LRRC15: variants seen among roughly 807,000 people sequenced by gnomAD.
The protein encoded by LRRC15 is leucine-rich repeat-containing protein 15.
In LRRC15, 5 loss-of-function variants were observed where a neutral mutation model predicts 4.3. The observed-to-expected ratio is 1.16, with a 90% CI of 0.61 to 2.44. The LOEUF (loss-of-function observed/expected upper bound fraction) is 2.44. Among genes scored for constraint, LRRC15 ranks in the 30% most tolerant of loss-of-function variants. The probability of loss-of-function intolerance (pLI) is 0.01; values close to 1 mark genes in which losing one functional copy is unlikely to be tolerated. For missense variants in LRRC15, 769 were observed against 747.0 expected, an observed-to-expected ratio of 1.03 and a Z score of -0.34; for synonymous variants, 337 against 323.2, an observed-to-expected ratio of 1.04 and a Z score of -0.46.
intron 1 of LRRC15, among the ~76,000 whole-genome samples, chr3:194,364,793 A>G (rs961508993): frequency 6.6e-6 from 1 of 152,248 alleles, no homozygotes; most frequent in South Asian, 2.1e-4. Context: ...CCATCCCAGC[A>G]CCACATGCAG....
intron 1 of LRRC15, among the ~76,000 whole-genome samples, chr3:194,367,313 A>G (rs1713810118): frequency 6.6e-6 from 1 of 151,714 alleles, no homozygotes; most frequent in African/African-American, 2.4e-5. Flanking sequence ...ATTTTTATTT[A>G]TCTATTTTTT....
At chr3:194,365,114 G>A (rs985223914) in intron 1 of LRRC15, among the ~76,000 whole-genome samples, 15 of 152,216 alleles carry the variant, frequency 9.9e-5, no homozygotes, top group Admixed American at 5.9e-4. Flanking sequence ...CCAGGCAGCC[G>A]AGAGCGTCGT....
Position 194,360,034 on chromosome 3 carries a change from A to G in LRRC15, c.1010T>C (p.Phe337Ser), listed in dbSNP as rs1310443119. ...CTCCCGAAGCTCCGTTAGCCCGTTG[A>G]AGGCACCCGGGGAGATGAAGCTGAT... Reference protein sequence around the residue: ...NQISFISPGAFNGLTELRELS... With the variant: ...NQISFISPGASNGLTELRELS... The change falls in exon 2 of 2, where the codon TTC becomes TCC. Residue 337 changes from phenylalanine (F) to serine (S), a missense_variant. Phe to Ser is a radical substitution (Grantham distance 155, BLOSUM62 -2). Transcript: ENST00000347624. 1 of 1,614,210 alleles carries G rather than the reference A, an allele frequency of 6.2e-7. No individual in the cohort carries two copies. The highest frequency in any genetic ancestry group is 1.7e-5 in the Admixed American group (1 of 60,032).
At chr3:194,367,734 C>T (rs937217375) in intron 1 of LRRC15, among the ~76,000 whole-genome samples, 18 of 152,334 alleles carry the variant, frequency 1.2e-4, no homozygotes, top group African/African-American at 3.6e-4. Flanking sequence ...AGAAACCTTC[C>T]TTGAACTCCA....
At chr3:194,367,375 T>C (rs1713811548) in intron 1 of LRRC15, among the ~76,000 whole-genome samples, 1 of 152,196 alleles carries the variant, frequency 6.6e-6, no homozygotes, top group Non-Finnish European at 1.5e-5. Flanking sequence ...TGGTGTGATC[T>C]CTGCTACTGC....
rs759955397 is a variant in LRRC15, at chr3:194,360,735, C to T, written c.309G>A (p.Leu103=). The T allele has an allele frequency of 6.2e-7, 1 of 1,614,098 alleles. No individual in the cohort carries two copies. The highest frequency in any genetic ancestry group is 2.2e-5 in the East Asian group (1 of 44,898). ...TPGAFRNLGS[L]RYLSLANNKL... ...TGTTGTTGGCGAGGCTGAGATAGCG[C>T]AGCGAGCCCAGGTTTCGGAAGGCCC... Residue 103 remains leucine (L), a synonymous_variant, in exon 2 of 2, where the codon CTG becomes CTA. Coordinates refer to ENST00000347624, the MANE Select transcript of LRRC15 (RefSeq NM_130830.5).
At chr3:194,368,189 G>A (rs765109978) in intron 1 of LRRC15, among the ~76,000 whole-genome samples, 4 of 152,192 alleles carry the variant, frequency 2.6e-5, no homozygotes, top group African/African-American at 4.8e-5. Flanking sequence ...TGACTCCTTC[G>A]TGGTCAGGAT....
chr3:194,365,820 TAATC>T (rs1295225079), intron 1 of LRRC15, among the ~76,000 whole-genome samples: 11 of 152,150 alleles, frequency 7.2e-5, no homozygotes, highest in Admixed American at 5.9e-4. Context: ...TCCCACTTAG[TAATC>T]AGCATGTCCG....
intron 1 of LRRC15, among the ~76,000 whole-genome samples, 191 bp downstream of exon 1, chr3:194,369,470 G>A (rs903230855): frequency 6.6e-6 from 1 of 152,212 alleles, no homozygotes; most frequent in Non-Finnish European, 1.5e-5. Context: ...CTGGTGTCCA[G>A]GCAGTGAGGG....
intron 1 of LRRC15, among the ~76,000 whole-genome samples, chr3:194,361,875 G>A (rs533285371): frequency 1.3e-5 from 2 of 152,316 alleles, no homozygotes; most frequent in African/African-American, 2.4e-5. Context: ...AGGCAATGAC[G>A]TGTCTGCACC....
chr3:194,362,934 A>ATTTTTTTTTTTTTTTTTTTTTT (rs1162019236), intron 1 of LRRC15, among the ~76,000 whole-genome samples: 1 of 114,746 alleles, frequency 8.7e-6, no homozygotes, highest in Non-Finnish European at 1.7e-5. Flanking sequence ...ACAGACCTTG[A>ATTTTTTTTTTTTTTTTTTTTTT]TTTTGTTTTT....
chr3:194,365,696 C>G (rs1186122559), intron 1 of LRRC15, among the ~76,000 whole-genome samples: 1 of 152,164 alleles, frequency 6.6e-6, no homozygotes, highest in Non-Finnish European at 1.5e-5. Flanking sequence ...CCCAGAGGAC[C>G]TGCTGGACCT....
At chr3:194,368,084 G>C (rs1713831782) in intron 1 of LRRC15, among the ~76,000 whole-genome samples, 1 of 152,186 alleles carries the variant, frequency 6.6e-6, no homozygotes, top group Non-Finnish European at 1.5e-5. Context: ...TCCCAAAGTA[G>C]AGAGAAATGG....
chr3:194,355,417 T>G lies in LRRC15; in HGVS notation c.*3881A>C, dbSNP rs1422890562. 6.6e-6 allele frequency: 1 copy of G among 152,260 alleles called. No homozygotes were observed. Among genetic ancestry groups the G allele is most frequent in the Non-Finnish European group, 1.5e-5 (1 of 68,054 alleles). The allele number at this position is 152,260 out of a possible 1,614,324, so 9.4% of individuals were successfully genotyped here. A position where few individuals can be genotyped will look rare whatever the true frequency, so the allele number is the denominator to read the frequency against. ...AAGCACTGGGGCTGATTTGCAGTAA[T>G]TCTCTAAGCAAGGCAAACATGATCT... On this transcript the variant is annotated 3_prime_UTR_variant, in exon 2 of 2. Transcript: ENST00000347624.
At chr3:194,362,888 C>G (rs146797455) in intron 1 of LRRC15, among the ~76,000 whole-genome samples, 86 of 151,306 alleles carry the variant, frequency 5.7e-4, no homozygotes, top group African/African-American at 2.0e-3. Context: ...AACAAGCTTA[C>G]TCTGAGATAA....
rs1713574955 is a variant in LRRC15, at chr3:194,360,249, G to T, written c.795C>A (p.Phe265Leu). ...GACGGTTGAGCTGGGGCAGCTGCATGAAGACGCTGGGTGGCAGCTGGGAGA... is the reference window on the plus strand; with the variant it reads ...GACGGTTGAGCTGGGGCAGCTGCATTAAGACGCTGGGTGGCAGCTGGGAGA... ...NHISQLPPSV[F>L]MQLPQLNRLT... is the part of the protein sequence containing the mutation. Residue 265 changes from phenylalanine (F) to leucine (L), a missense_variant, in exon 2 of 2, where the codon TTC becomes TTA. Physicochemically the swap from Phe to Leu is conservative, Grantham distance 22. Transcript: ENST00000347624. 2 of 1,613,704 alleles carry T rather than the reference G, an allele frequency of 1.2e-6. No individual in the cohort carries two copies. Among genetic ancestry groups the T allele is most frequent in the African/African-American group, 2.7e-5 (2 of 74,936 alleles).
rs1440035968 is a variant in LRRC15 at position 194,356,681 on chromosome 3, G to A, written c.*2617C>T. ...TGGCCCTCAGGTCAGCCTCTGGCTG[G>A]AGAGGAAGGTGCTCCAATGTCATGG... On this transcript the variant is annotated 3_prime_UTR_variant, in exon 2 of 2. Transcript: ENST00000347624. 1 of 151,230 alleles carries A rather than the reference G, an allele frequency of 6.6e-6. No homozygotes were observed. The highest frequency in any genetic ancestry group is 1.5e-5 in the Non-Finnish European group (1 of 68,064). 9.4% of individuals were successfully genotyped at this position (151,230 alleles called of 1,614,324 possible). A position where few individuals can be genotyped will look rare whatever the true frequency, so the allele number is the denominator to read the frequency against.
chr3:194,358,228 G>A lies in LRRC15; in HGVS notation c.*1070C>T, dbSNP rs1713488821. ...TCTTCAGAAGCCCCCATCTCCTCTG[G>A]GAAAAGCCCAGGATGGGGGATATTT... On this transcript the variant is annotated 3_prime_UTR_variant, in exon 2 of 2. Transcript: ENST00000347624. The A allele has an allele frequency of 6.6e-6, 1 of 152,342 alleles. No individual in the cohort carries two copies. Among genetic ancestry groups the A allele is most frequent in the African/African-American group, 2.4e-5 (1 of 41,458 alleles). The allele number at this position is 152,342 out of a possible 1,614,324, so 9.4% of individuals were successfully genotyped here. A position where few individuals can be genotyped will look rare whatever the true frequency, so the allele number is the denominator to read the frequency against.
rs1193242290 is a variant in LRRC15, at chr3:194,357,949, C to G, written c.*1349G>C. The G allele has an allele frequency of 6.6e-6, 1 of 152,280 alleles. No individual in the cohort carries two copies. Among genetic ancestry groups the G allele is most frequent in the Admixed American group, 6.5e-5 (1 of 15,286 alleles). 9.4% of individuals were successfully genotyped at this position (152,280 alleles called of 1,614,324 possible). On this transcript the variant is annotated 3_prime_UTR_variant, in exon 2 of 2. Coordinates refer to ENST00000347624, the MANE Select transcript of LRRC15 (RefSeq NM_130830.5). ...GGGGCCTCCGATGAGCCGCAGACAGCTTGCTGGCAGGGAAGAGGGTGTGGC... is the reference window on the plus strand; with the variant it reads ...GGGGCCTCCGATGAGCCGCAGACAGGTTGCTGGCAGGGAAGAGGGTGTGGC...
Sources: allele counts gnomAD v4.1 joint callset (sites outside exome capture counted in the v4.1 genomes callset), GRCh38; gene constraint gnomAD v4.1.1; transcripts MANE v1.5; gene names NCBI Gene and HGNC (gene_info 2026-07-23, HGNC 2026-07-21).